Variants in CRTC3 observed in about 807,000 individuals in gnomAD.
The protein encoded by CRTC3 is CREB-regulated transcription coactivator 3.
Under a neutral mutation model 74.5 loss-of-function variants are expected in CRTC3, and 26 were observed. The ratio of observed to expected loss-of-function variants is 0.35; its 90% CI spans 0.26 to 0.48. CRTC3 has a LOEUF of 0.48. CRTC3 is among the 20% of genes least tolerant of loss of function. The probability of loss-of-function intolerance (pLI) is 0.99; values close to 1 mark genes in which losing one functional copy is unlikely to be tolerated. For synonymous variants in CRTC3, 377 were observed against 325.8 expected (o/e 1.16, Z -1.69); for missense variants, 760 against 787.3 (o/e 0.97, Z 0.41).
chr15:90,631,634 G>T (rs925363822), intron 11 of CRTC3, among the ~76,000 whole-genome samples: 1 of 151,290 alleles, frequency 6.6e-6, no homozygotes, highest in East Asian at 2.0e-4. Context: ...ATGCTGCGAC[G>T]TGAGAATTGC....
intron 2 of CRTC3, among the ~76,000 whole-genome samples, chr15:90,579,126 C>T (rs949621911): frequency 3.3e-5 from 5 of 152,170 alleles, no homozygotes; most frequent in African/African-American, 9.7e-5. Context: ...CTAAACAATA[C>T]AGTATGACAA....
intron 14 of CRTC3, 32 bp from the exon 15 acceptor site, chr15:90,641,900 G>T (rs374382684): frequency 1.2e-6 from 2 of 1,602,164 alleles, no homozygotes; most frequent in South Asian, 1.1e-5. Context: ...CCTCCTAACC[G>T]CACTGTTTTC....
intron 13 of CRTC3, among the ~76,000 whole-genome samples, chr15:90,640,891 G>A (rs1039645132): frequency 1.3e-5 from 2 of 152,090 alleles, no homozygotes; most frequent in Middle Eastern, 3.2e-3. Context: ...GGACCTCAGG[G>A]ACCCCTCCTC....
chr15:90,567,019 C>CA (rs1228065513), intron 2 of CRTC3, among the ~76,000 whole-genome samples: 1 of 152,054 alleles, frequency 6.6e-6, no homozygotes, highest in African/African-American at 2.4e-5. Context: ...CCTGCATTTT[C>CA]AACATAGATG....
intron 9 of CRTC3, among the ~76,000 whole-genome samples, chr15:90,622,504 T>G (rs1220525330): frequency 6.6e-6 from 1 of 152,182 alleles, no homozygotes; most frequent in African/African-American, 2.4e-5. Context: ...AATTTTATTT[T>G]TCTAGTCCTT....
rs745307366 is a variant in CRTC3 at position 90,629,227 on chromosome 15, C to T, written c.968-7C>T. On this transcript the variant is annotated splice_region_variant and splice_polypyrimidine_tract_variant and intron_variant, in intron 10 of 14. Coordinates refer to ENST00000268184, the MANE Select transcript of CRTC3 (RefSeq NM_022769.5). The stretch of plus-strand genomic sequence containing the variant: ...TATAAGTAACTTGTGAATTTGTTGT[C>T]TTCCAGGTCTCCAGAGTTCTCGGAG... 1 of 1,605,894 alleles carries T rather than the reference C, an allele frequency of 6.2e-7. No homozygotes were observed. The highest frequency in any genetic ancestry group is 8.5e-7 in the Non-Finnish European group (1 of 1,174,128).
chr15:90,536,004 C>T (rs1195453866), intron 1 of CRTC3, among the ~76,000 whole-genome samples: 1 of 152,224 alleles, frequency 6.6e-6, no homozygotes, highest in Admixed American at 6.5e-5. Context: ...GCTGCTTTTA[C>T]TCCCTGCTGT....
At position 90,629,309 on chromosome 15, in the gene CRTC3, A is replaced by G. The variant is rs780785722; in HGVS notation, c.1043A>G (p.Asn348Ser). 3.7e-6 allele frequency: 6 copies of G among 1,613,872 alleles called. No individual in the cohort carries two copies. The South Asian group carries it at 6.6e-5, about 18-fold the overall frequency. ...NKTVLSSSLN[N>S]HPQTSVPNAS... ...ACTGTGCTTTCCTCTTCCTTAAATA[A>G]CCACCCACAGACATCTGTTCCCAAC... is the stretch of plus-strand genomic sequence containing the variant. The change falls in exon 11 of 15, where the codon AAC becomes AGC. Residue 348 changes from asparagine (N) to serine (S), a missense_variant. Transcript: ENST00000268184.
chr15:90,586,362 CTTTTT>C (rs55985691), intron 2 of CRTC3, among the ~76,000 whole-genome samples: 1 of 81,266 alleles, frequency 1.2e-5, no homozygotes, highest in Non-Finnish European at 2.3e-5. Flanking sequence ...GGTAGAACTT[CTTTTT>C]TTTTTTTTTT....
intron 2 of CRTC3, among the ~76,000 whole-genome samples, chr15:90,581,905 C>T (rs1482813884): frequency 6.6e-6 from 1 of 152,130 alleles, no homozygotes; most frequent in South Asian, 2.1e-4. Context: ...ATATTTCCTA[C>T]GGCAGGAAGA....
intron 9 of CRTC3, among the ~76,000 whole-genome samples, chr15:90,621,479 T>C (rs1020562691): frequency 6.6e-5 from 10 of 152,132 alleles, no homozygotes; most frequent in African/African-American, 2.4e-4. Context: ...TGCACCACCA[T>C]ACCTGGCTAA....
chr15:90,604,593 T>C, intron 5 of CRTC3, 146 bp downstream of exon 5: 1 of 651,766 alleles, frequency 1.5e-6, no homozygotes, highest in Non-Finnish European at 2.8e-6. Context: ...ATTTTTTGAG[T>C]GTCTACAGGG....
chr15:90,583,318 A>G (rs1321963903), intron 2 of CRTC3, among the ~76,000 whole-genome samples: 7 of 152,054 alleles, frequency 4.6e-5, no homozygotes, highest in Non-Finnish European at 7.4e-5. Flanking sequence ...TTTATCTTTC[A>G]TTTAAAAATA....
At chr15:90,541,591 C>T (rs998377153) in intron 2 of CRTC3, among the ~76,000 whole-genome samples, 4 of 152,084 alleles carry the variant, frequency 2.6e-5, no homozygotes, top group East Asian at 3.8e-4. Flanking sequence ...ATCCAAATAA[C>T]ATAGGTCTCT....
At chr15:90,568,894 C>A (rs1204028603) in intron 2 of CRTC3, among the ~76,000 whole-genome samples, 2 of 151,790 alleles carry the variant, frequency 1.3e-5, no homozygotes, top group Non-Finnish European at 2.9e-5. Context: ...CATTTTTTAG[C>A]AATAAAGTAT....
At position 90,554,699 on chromosome 15, in the gene CRTC3, A is replaced by G. The variant is rs1596079653; in HGVS notation, c.231+14562A>G. 2.0e-5 allele frequency among the ~76,000 whole-genome samples: 3 copies of G among 152,318 alleles called. No homozygotes were observed. In the South Asian group the frequency reaches 6.2e-4, roughly 32 times the overall value. On this transcript the variant is annotated intron_variant, in intron 2 of 14. Transcript: ENST00000268184. Reference sequence around the variant, plus strand: ...TTTGTAAAGTAGGAGTGTTACTAGTACCTACTTCACAGGACCTGGTGAGGA... The same window carrying G: ...TTTGTAAAGTAGGAGTGTTACTAGTGCCTACTTCACAGGACCTGGTGAGGA...
intron 11 of CRTC3, among the ~76,000 whole-genome samples, chr15:90,633,459 T>C (rs1008513289): frequency 3.3e-5 from 5 of 152,256 alleles, no homozygotes; most frequent in African/African-American, 1.2e-4. Flanking sequence ...CTATTGCCTA[T>C]TCATTTGTAA....
chr15:90,590,787 T>C (rs941928878), intron 2 of CRTC3, among the ~76,000 whole-genome samples: 6 of 152,224 alleles, frequency 3.9e-5, no homozygotes, highest in African/African-American at 1.4e-4. Context: ...GATCAGATAC[T>C]GCAGGGGCAG....
rs1453067369 is a variant in CRTC3 at position 90,642,835 on chromosome 15, C to T, written c.*695C>T. 2 of 232,840 alleles carry T rather than the reference C, an allele frequency of 8.6e-6. No homozygotes were observed. The highest frequency in any genetic ancestry group is 4.4e-5 in the African/African-American group (2 of 45,288). The allele number at this position is 232,840 out of a possible 1,614,324, so 14.4% of individuals were successfully genotyped here. On this transcript the variant is annotated 3_prime_UTR_variant, in exon 15 of 15. Transcript: ENST00000268184. ...GGAAGAGGAAGACCATTTTATCAGT[C>T]ACTGAAAAGAGTCCCCTGGCACTGA...
Sources: gnomAD v4.1 joint callset for allele counts (sites outside exome capture counted in the v4.1 genomes callset) on GRCh38, gnomAD v4.1.1 for gene constraint, MANE v1.5 for transcripts, NCBI Gene and HGNC (gene_info 2026-07-23, HGNC 2026-07-21) for gene names.